Variants in KLHL3 observed in about 807,000 individuals in gnomAD.
KLHL3 encodes the protein kelch like family member 3.
Under a neutral mutation model 70.5 loss-of-function variants are expected in KLHL3, and 19 were observed. The ratio of observed to expected loss-of-function variants is 0.27; its 90% CI spans 0.19 to 0.40. The LOEUF is 0.40. Among genes scored for constraint, KLHL3 ranks in the 10% least tolerant of loss-of-function variants. The pLI, the probability that KLHL3 is intolerant of heterozygous loss-of-function variation, is 1.00. For synonymous variants in KLHL3, 258 were observed against 290.3 expected, an observed-to-expected ratio of 0.89 and a Z score of 1.13; for missense variants, 512 against 771.1, an observed-to-expected ratio of 0.66 and a Z score of 3.98.
intron 5 of KLHL3, among the ~76,000 whole-genome samples, chr5:137,684,091 T>C (rs929321785): frequency 6.6e-6 from 1 of 152,240 alleles, no homozygotes; most frequent in Non-Finnish European, 1.5e-5. Context: ...CACAGACCTC[T>C]GCAGTCAGCT....
chr5:137,643,336 C>T (rs1409200022), intron 8 of KLHL3, among the ~76,000 whole-genome samples: 2 of 138,858 alleles, frequency 1.4e-5, no homozygotes, highest in Non-Finnish European at 3.1e-5. Context: ...GTCTGGGCAA[C>T]AGAGTGAGAC....
intron 10 of KLHL3, among the ~76,000 whole-genome samples, chr5:137,638,485 T>A (rs1750825223): frequency 6.6e-6 from 1 of 152,098 alleles, no homozygotes. Context: ...GAGGCTCACC[T>A]ATGGTGAAAA....
At chr5:137,705,282 G>A (rs1752662990) in intron 3 of KLHL3, among the ~76,000 whole-genome samples, 1 of 152,216 alleles carries the variant, frequency 6.6e-6, no homozygotes, top group Non-Finnish European at 1.5e-5. Context: ...GCCTGGTAGA[G>A]TCTGGCTTGC....
At chr5:137,704,468 C>T (rs1006169305) in intron 3 of KLHL3, among the ~76,000 whole-genome samples, 1 of 152,210 alleles carries the variant, frequency 6.6e-6, no homozygotes, top group African/African-American at 2.4e-5. Context: ...TCTCCCAGTG[C>T]AAGGCGGCAT....
chr5:137,667,116 A>C (rs1751632763), intron 6 of KLHL3, among the ~76,000 whole-genome samples: 1 of 152,202 alleles, frequency 6.6e-6, no homozygotes. Context: ...TGTTTTGGTA[A>C]ATAAAATTAT....
At chr5:137,697,472 A>G (rs1752473745) in intron 4 of KLHL3, among the ~76,000 whole-genome samples, 1 of 152,036 alleles carries the variant, frequency 6.6e-6, no homozygotes, top group Non-Finnish European at 1.5e-5. Context: ...CCCCTTGCCA[A>G]TCTTTCTTGT....
At chr5:137,713,265 G>A (rs1399832220) in intron 2 of KLHL3, among the ~76,000 whole-genome samples, 2 of 151,478 alleles carry the variant, frequency 1.3e-5, no homozygotes, top group Non-Finnish European at 2.9e-5. Context: ...AGGAGTTCAC[G>A]ACCAGCCTGG....
chr5:137,663,300 G>C (rs555477892), intron 6 of KLHL3, among the ~76,000 whole-genome samples: 1 of 151,322 alleles, frequency 6.6e-6, no homozygotes, highest in Non-Finnish European at 1.5e-5. Flanking sequence ...CAAGTGATCC[G>C]CCTGCCTTAG....
intron 6 of KLHL3, chr5:137,672,885 C>T (rs1277939429): frequency 3.3e-4 from 50 of 152,234 alleles, no homozygotes; most frequent in Admixed American, 3.2e-3. Flanking sequence ...ATAAACATGC[C>T]GTCAGCTCAC....
In KLHL3 at chr5:137,639,256, G is replaced by A. The variant is rs992287661; in HGVS notation, c.1022-106C>T. The A allele has an allele frequency of 4.4e-5, 46 of 1,039,168 alleles. No homozygotes were observed. The highest frequency in any genetic ancestry group is 5.0e-4 in the Middle Eastern group (2 of 3,998). The allele number at this position is 1,039,168 out of a possible 1,614,324, so 64.4% of individuals were successfully genotyped here. A position where few individuals can be genotyped will look rare whatever the true frequency, so the allele number is the denominator to read the frequency against. On this transcript the variant is annotated intron_variant, in intron 9 of 14. Transcript: ENST00000309755. This position sits in a 1 kb window ranked among gnomAD's most constrained non-coding sequence, Gnocchi z 5.0. ...GACAGACACAGGAAAAGTCGCCACC[G>A]AAGATACTTTAGGTATTTGGCAGTC...
intron 12 of KLHL3, among the ~76,000 whole-genome samples, chr5:137,630,456 G>GCCCTCCAACTTCGTGCCTGGCTGCCTC (rs1273747260): frequency 2.7e-4 from 41 of 151,958 alleles, no homozygotes; most frequent in African/African-American, 8.0e-4. Flanking sequence ...AGGCAGGTCT[G>GCCCTCCAACTTCGTGCCTGGCTGCCTC]CCCTCCAACT....
At chr5:137,636,922 C>A (rs970942977) in intron 11 of KLHL3, among the ~76,000 whole-genome samples, 14 of 152,174 alleles carry the variant, frequency 9.2e-5, no homozygotes, top group Admixed American at 9.2e-4. Context: ...ATTAATTAAG[C>A]ACATTTAACT....
intron 2 of KLHL3, among the ~76,000 whole-genome samples, chr5:137,713,460 G>A (rs1752836716): frequency 2.0e-5 from 3 of 152,038 alleles, no homozygotes; most frequent in African/African-American, 7.2e-5. Flanking sequence ...AATGGTGCTG[G>A]GACAACTGGA....
Position 137,637,359 on chromosome 5 carries a change from T to C in KLHL3, c.1256A>G (p.Asn419Ser). 5 of 1,613,898 alleles carry C rather than the reference T, an allele frequency of 3.1e-6. No homozygotes were observed. The highest frequency in any genetic ancestry group is 4.2e-6 in the Non-Finnish European group (5 of 1,179,806). The change falls in exon 11 of 15, where the codon AAC (asparagine) becomes AGC (serine). Residue 419 changes from asparagine to serine, a missense_variant. Asn to Ser is a conservative substitution (Grantham distance 46). Coordinates refer to ENST00000309755, the MANE Select transcript of KLHL3 (RefSeq NM_017415.3). ...ASVEAYSYKT[N>S]EWFFVAPMNT... Reference sequence around the variant, plus strand: ...CATCGGGGCCACAAAGAACCACTCGTTGGTCTTGTAGCTGTAGGCTTCCAC... The same window carrying C: ...CATCGGGGCCACAAAGAACCACTCGCTGGTCTTGTAGCTGTAGGCTTCCAC...
chr5:137,688,831 G>A (rs747845240), intron 5 of KLHL3, among the ~76,000 whole-genome samples: 10 of 152,228 alleles, frequency 6.6e-5, no homozygotes, highest in Non-Finnish European at 1.3e-4. Context: ...CCCAAAGGGA[G>A]AGCTCAATAA....
intron 5 of KLHL3, among the ~76,000 whole-genome samples, chr5:137,678,013 G>A (rs1052477814): frequency 3.9e-5 from 6 of 152,192 alleles, no homozygotes; most frequent in African/African-American, 1.2e-4. Context: ...CAGAGTGCAA[G>A]CTGGTAGAGT....
chr5:137,647,479 A>G (rs1008967662), intron 8 of KLHL3: 1 of 467,520 alleles, frequency 2.1e-6, no homozygotes, highest in Non-Finnish European at 4.4e-6. Context: ...AGGTGAGAGG[A>G]ACAATCTGGG....
At chr5:137,707,131 A>G (rs1205711294) in intron 3 of KLHL3, among the ~76,000 whole-genome samples, 1 of 152,194 alleles carries the variant, frequency 6.6e-6, no homozygotes, top group Non-Finnish European at 1.5e-5. Flanking sequence ...AAAAAAATAC[A>G]TACATCAAAA....
rs199469629 is a variant in KLHL3, at chr5:137,639,021, C to T, written c.1151G>A (p.Arg384Gln). 9 of 1,614,016 alleles carry T rather than the reference C, an allele frequency of 5.6e-6. No individual in the cohort carries two copies. Among genetic ancestry groups the T allele is most frequent in the African/African-American group, 5.3e-5 (4 of 74,934 alleles). Residue 384 changes from arginine (R) to glutamine (Q), a missense_variant, in exon 10 of 15, where the codon CGG becomes CAG. Transcript: ENST00000309755. This position sits in a 1 kb window ranked among gnomAD's most constrained non-coding sequence, Gnocchi z 5.0. The part of the protein sequence containing the change: ...WTSIASMQER[R>Q]STLGAAVLND... ...GAGCACCGCTGCGCCCAGTGTGCTCCGGCGCTCCTGCATGCTGGCAATGGA... is the reference window on the plus strand; with the variant it reads ...GAGCACCGCTGCGCCCAGTGTGCTCTGGCGCTCCTGCATGCTGGCAATGGA...
Sources: allele counts gnomAD v4.1 joint callset (sites outside exome capture counted in the v4.1 genomes callset), GRCh38; gene constraint gnomAD v4.1.1; non-coding constraint Gnocchi (gnomAD v3.1); transcripts MANE v1.5; gene names NCBI Gene and HGNC (gene_info 2026-07-23, HGNC 2026-07-21).